ORMDL1: variants seen among roughly 807,000 people sequenced by gnomAD.
The protein encoded by ORMDL1 is ORM1-like protein 1.
ORMDL1 carries 10 observed loss-of-function variants against 13.0 expected under a neutral mutation model. The observed-to-expected ratio is 0.77, with a 90% CI of 0.47 to 1.30. The LOEUF is 1.30. Among genes scored for constraint, ORMDL1 ranks in the 50% most tolerant of loss-of-function variants. The pLI, the probability that ORMDL1 is intolerant of heterozygous loss-of-function variation, is 0.00. For missense variants in ORMDL1, 171 were observed against 186.7 expected, an observed-to-expected ratio of 0.92 and a Z score of 0.49; for synonymous variants, 61 against 63.9, an observed-to-expected ratio of 0.95 and a Z score of 0.22.
intron 3 of ORMDL1, 57 bp from the exon 4 acceptor site, chr2:189,775,773 G>C (rs1336379326): frequency 1.3e-6 from 2 of 1,531,808 alleles, no homozygotes; most frequent in African/African-American, 1.4e-5. Context: ...ATTAGTCTTT[G>C]TCAGTAGCAT....
intron 3 of ORMDL1, 87 bp downstream of exon 3, chr2:189,782,335 A>C: frequency 7.9e-7 from 1 of 1,257,984 alleles, no homozygotes; most frequent in Non-Finnish European, 1.1e-6. Flanking sequence ...CCATTAAGCA[A>C]TAACTTTCCA....
At chr2:189,777,343 A>G (rs1360244158) in intron 3 of ORMDL1, among the ~76,000 whole-genome samples, 1 of 151,820 alleles carries the variant, frequency 6.6e-6, no homozygotes, top group Non-Finnish European at 1.5e-5. Context: ...TATGGACTTT[A>G]AAGTGAATTA....
chr2:189,779,648 T>C (rs1317301852), intron 3 of ORMDL1, among the ~76,000 whole-genome samples: 1 of 152,166 alleles, frequency 6.6e-6, no homozygotes, highest in East Asian at 1.9e-4. Flanking sequence ...ACTGAATGAC[T>C]TAGAGTATGA....
chr2:189,768,269 T>C (rs1054865769), downstream of ORMDL1, among the ~76,000 whole-genome samples: 1 of 152,232 alleles, frequency 6.6e-6, no homozygotes, highest in African/African-American at 2.4e-5. Flanking sequence ...TTGTTCACAT[T>C]GCTCACATCG....
At chr2:189,765,597 C>G (rs1277297205), downstream of ORMDL1, 1 of 152,130 alleles carries the variant, frequency 6.6e-6, no homozygotes, top group African/African-American at 2.4e-5. Context: ...TATGGGGAAG[C>G]TAGGATAGTT....
chr2:189,771,894 A>G lies in ORMDL1; in HGVS notation c.335T>C (p.Leu112Pro). Reference protein sequence around the residue: ...FTISPIILYFLASFYTKYDPT... With the variant: ...FTISPIILYFPASFYTKYDPT... ...ATCATACTTCGTATAGAAACTTGCCAGAAAATATCTGTAGAGATAAAAGTT... is the reference window on the plus strand; with the variant it reads ...ATCATACTTCGTATAGAAACTTGCCGGAAAATATCTGTAGAGATAAAAGTT... The change falls in exon 5 of 5, where the codon CTG (leucine) becomes CCG (proline). Residue 112 changes from leucine to proline, a missense_variant. Coordinates refer to ENST00000392349, the MANE Select transcript of ORMDL1 (RefSeq NM_016467.5). 1 of 1,589,286 alleles carries G rather than the reference A, an allele frequency of 6.3e-7. No individual in the cohort carries two copies. Among genetic ancestry groups the G allele is most frequent in the Non-Finnish European group, 8.6e-7 (1 of 1,165,128 alleles).
At chr2:189,778,282 C>T (rs563923739) in intron 3 of ORMDL1, 5 of 416,258 alleles carry the variant, frequency 1.2e-5, no homozygotes, top group South Asian at 7.0e-5. Context: ...GTAATCCCAG[C>T]GACTCAGGAG....
chr2:189,766,399 T>G (rs2047483202), downstream of ORMDL1, among the ~76,000 whole-genome samples: 1 of 152,212 alleles, frequency 6.6e-6, no homozygotes, highest in African/African-American at 2.4e-5. Flanking sequence ...CAGAACCTTT[T>G]CATCTTCTCA....
chr2:189,775,810 A>T (rs2047682818), intron 3 of ORMDL1, 94 bp from the exon 4 acceptor site: 1 of 1,242,998 alleles, frequency 8.0e-7, no homozygotes, highest in South Asian at 1.7e-5. Context: ...TGTTTGTGAG[A>T]GTGTGTGATT....
chr2:189,772,159 C>T (rs1031677305), intron 4 of ORMDL1, among the ~76,000 whole-genome samples: 2 of 152,124 alleles, frequency 1.3e-5, no homozygotes, highest in African/African-American at 4.8e-5. Flanking sequence ...ACACTGCATC[C>T]TTTAAAGCAA....
chr2:189,772,232 T>C (rs1347311777), intron 4 of ORMDL1, among the ~76,000 whole-genome samples: 2 of 152,206 alleles, frequency 1.3e-5, no homozygotes, highest in Non-Finnish European at 2.9e-5. Flanking sequence ...TATTTCCATG[T>C]ATGTTTCTGA....
chr2:189,771,554 A>G lies in ORMDL1; in HGVS notation c.*213T>C. ...CTGGGCCTGCCCAGCCTGCTTATAA[A>G]GCCCCTCTTCAGAAATGTACCAGGT... On this transcript the variant is annotated 3_prime_UTR_variant, in exon 5 of 5. Transcript: ENST00000392349. 1 of 393,868 alleles carries G rather than the reference A, an allele frequency of 2.5e-6. No homozygotes were observed. Among genetic ancestry groups the G allele is most frequent in the Non-Finnish European group, 4.4e-6 (1 of 225,624 alleles). 24.4% of individuals were successfully genotyped at this position (393,868 alleles called of 1,614,324 possible). A position where few individuals can be genotyped will look rare whatever the true frequency, so the allele number is the denominator to read the frequency against.
At chr2:189,765,985 C>T (rs2047477707), downstream of ORMDL1, among the ~76,000 whole-genome samples, 1 of 151,934 alleles carries the variant, frequency 6.6e-6, no homozygotes, top group Non-Finnish European at 1.5e-5. Flanking sequence ...CGCCACCACG[C>T]CCAGCTAATT....
chr2:189,778,902 A>T (rs2047759577), intron 3 of ORMDL1, among the ~76,000 whole-genome samples: 1 of 152,046 alleles, frequency 6.6e-6, no homozygotes, highest in African/African-American at 2.4e-5. Context: ...CTCAAAAAAA[A>T]TAAAAGTAGA....
chr2:189,770,067 G>A (rs908079142), downstream of ORMDL1, among the ~76,000 whole-genome samples: 19 of 152,154 alleles, frequency 1.2e-4, no homozygotes, highest in African/African-American at 4.6e-4. Context: ...TCCTGTTACA[G>A]AGTGGGCCCT....
chr2:189,780,610 G>C (rs182452907), intron 3 of ORMDL1, among the ~76,000 whole-genome samples: 2 of 152,216 alleles, frequency 1.3e-5, no homozygotes, highest in Non-Finnish European at 2.9e-5. Flanking sequence ...ATGAAGAAAA[G>C]AACCTTGGGA....
chr2:189,766,082 C>A (rs1369296015), downstream of ORMDL1, among the ~76,000 whole-genome samples: 2 of 152,132 alleles, frequency 1.3e-5, no homozygotes, highest in Non-Finnish European at 2.9e-5. Flanking sequence ...GCCTCGGCCT[C>A]CCAAAGTGCT....
At chr2:189,781,491 G>A (rs1007068900) in intron 3 of ORMDL1, among the ~76,000 whole-genome samples, 1 of 152,034 alleles carries the variant, frequency 6.6e-6, no homozygotes. Context: ...TTGATACTCT[G>A]TAGAGCTAAC....
intron 3 of ORMDL1, chr2:189,778,462 T>C: frequency 2.2e-6 from 1 of 455,832 alleles, no homozygotes; most frequent in Non-Finnish European, 4.4e-6. Flanking sequence ...AATTAAAACA[T>C]AAAGAGATAA....
Sources: gnomAD v4.1 joint callset for allele counts (sites outside exome capture counted in the v4.1 genomes callset) on GRCh38, gnomAD v4.1.1 for gene constraint, MANE v1.5 for transcripts, NCBI Gene and HGNC (gene_info 2026-07-23, HGNC 2026-07-21) for gene names.